The following LRCH1 variants were observed in gnomAD, a reference collection of about 807,000 sequenced individuals.
LRCH1 encodes the protein leucine-rich repeat and calponin homology domain-containing protein 1.
Under a neutral mutation model 94.9 loss-of-function variants are expected in LRCH1, and 23 were observed. That is an observed-to-expected ratio of 0.24 (90% CI 0.17 to 0.34). LRCH1 has a LOEUF of 0.34. Ranked by LOEUF, LRCH1 falls within the 10% of genes least tolerant of loss-of-function variation. The pLI is 1.00. For synonymous variants in LRCH1, 364 were observed against 354.9 expected (o/e 1.03, Z -0.29); for missense variants, 790 against 945.9 (o/e 0.84, Z 2.16).
Position 46,626,531 on chromosome 13 carries a change from G to A in LRCH1, c.308-23670G>A, listed in dbSNP as rs571702773. Among the ~76,000 whole-genome samples, 92 of 152,214 alleles carry A rather than the reference G, an allele frequency of 6.0e-4. 1 individual carries two copies. In the Middle Eastern group the frequency reaches 0.031, roughly 51 times the overall value. On this transcript the variant is annotated intron_variant, in intron 1 of 19. Coordinates refer to ENST00000389797, the MANE Select transcript of LRCH1 (RefSeq NM_001164211.2). ...TACTTTGTGAGATCCACTCCTGCCC[G>A]CAAAACATTGCTCTTAACTTCACCG...
rs146687949 is a variant in LRCH1, at chr13:46,723,548, C to T, written c.1869+218C>T. On this transcript the variant is annotated intron_variant, in intron 17 of 19. Coordinates refer to ENST00000389797, the MANE Select transcript of LRCH1 (RefSeq NM_001164211.2). ...AGGCATAGTTTCTCATGCCTGTAAT[C>T]GCAGAACTTTAGGAGGTAGAGGCAG... Among the ~76,000 whole-genome samples, 556 of 152,224 alleles carry T rather than the reference C, an allele frequency of 3.7e-3. 3 individuals are homozygous for T. Among genetic ancestry groups the T allele is most frequent in the African/African-American group, 0.012 (513 of 41,524 alleles).
chr13:46,598,947 A>G (rs2050597120), intron 1 of LRCH1, among the ~76,000 whole-genome samples: 2 of 152,174 alleles, frequency 1.3e-5, no homozygotes, highest in East Asian at 1.9e-4. Context: ...AGCTCTTTTC[A>G]TCTTGCAAAA....
At position 46,728,204 on chromosome 13, in the gene LRCH1, A is replaced by G. The variant is rs376564982; in HGVS notation, c.1870-643A>G. Among the ~76,000 whole-genome samples, 10 of 151,892 alleles carry G rather than the reference A, an allele frequency of 6.6e-5. No homozygotes were observed. In the East Asian group the frequency reaches 1.7e-3, roughly 26 times the overall value. ...AGTGTTGGGGTTACAGGTGTGAGCC[A>G]CCACTCCTGGCCTAAGAGGAAAGCA... On this transcript the variant is annotated intron_variant, in intron 17 of 19. Coordinates refer to ENST00000389797, the MANE Select transcript of LRCH1 (RefSeq NM_001164211.2).
chr13:46,665,393 G>A (rs2051501617), intron 2 of LRCH1, among the ~76,000 whole-genome samples: 1 of 152,210 alleles, frequency 6.6e-6, no homozygotes. Flanking sequence ...TAGGAGTTAA[G>A]TGAGGGATAG....
At chr13:46,728,056 G>A (rs540217130) in intron 17 of LRCH1, among the ~76,000 whole-genome samples, 3 of 151,362 alleles carry the variant, frequency 2.0e-5, no homozygotes, top group East Asian at 3.9e-4. Context: ...AGCTGGGACC[G>A]CAGGTACACA....
chr13:46,568,411 C>A (rs2050208006), intron 1 of LRCH1, among the ~76,000 whole-genome samples: 1 of 152,150 alleles, frequency 6.6e-6, no homozygotes, highest in African/African-American at 2.4e-5. Flanking sequence ...ACTTACCTAC[C>A]CATGTCTAGT....
chr13:46,709,286 C>T (rs983256084), intron 13 of LRCH1, among the ~76,000 whole-genome samples: 11 of 152,306 alleles, frequency 7.2e-5, no homozygotes, highest in Admixed American at 5.2e-4. Context: ...AGTCATATAT[C>T]AATCATTCAG....
rs73193031 is a variant in LRCH1 at position 46,686,158 on chromosome 13, G to A, written c.822+117G>A. 3.6e-3 allele frequency: 3,932 copies of A among 1,078,458 alleles called. 13 individuals are homozygous for A. Among genetic ancestry groups the A allele is most frequent in the Non-Finnish European group, 4.3e-3 (3,456 of 812,496 alleles). The allele number at this position is 1,078,458 out of a possible 1,614,324, so 66.8% of individuals were successfully genotyped here. ...TGAAAATCACTAATCACTGGCAAGC[G>A]GCAGATTAATTGGAGAAAAGGCATC... On this transcript the variant is annotated intron_variant, in intron 5 of 19. Transcript: ENST00000389797.
chr13:46,569,082 G>A (rs2050214874), intron 1 of LRCH1, among the ~76,000 whole-genome samples: 3 of 151,880 alleles, frequency 2.0e-5, no homozygotes, highest in South Asian at 2.1e-4. Context: ...TCCTTATTTC[G>A]AAACGTCTTG....
intron 1 of LRCH1, among the ~76,000 whole-genome samples, chr13:46,556,636 T>A (rs1594240837): frequency 6.6e-6 from 1 of 152,128 alleles, no homozygotes; most frequent in Non-Finnish European, 1.5e-5. Flanking sequence ...CATTTATACA[T>A]GGGAAGACTG....
At chr13:46,708,048 T>C (rs1871858347) in intron 13 of LRCH1, among the ~76,000 whole-genome samples, 1 of 152,194 alleles carries the variant, frequency 6.6e-6, no homozygotes, top group African/African-American at 2.4e-5. Context: ...TGTAGACTAG[T>C]GGCAGCACTA....
At chr13:46,708,421 G>A (rs865834753) in intron 13 of LRCH1, among the ~76,000 whole-genome samples, 5 of 151,834 alleles carry the variant, frequency 3.3e-5, no homozygotes, top group Admixed American at 2.6e-4. Context: ...ACAGGTGCCC[G>A]CTACCATGCC....
At position 46,742,501 on chromosome 13, in the gene LRCH1, C is replaced by G. The variant is rs1036532835; in HGVS notation, c.*653C>G. 59 of 985,340 alleles carry G rather than the reference C, an allele frequency of 6.0e-5. No individual in the cohort carries two copies. The highest frequency in any genetic ancestry group is 2.3e-4 in the South Asian group (5 of 21,296). The allele number at this position is 985,340 out of a possible 1,614,324, so 61.0% of individuals were successfully genotyped here. ...GTGTGGCCGCCAACTTCCACCCCGG[C>G]AAGCCCCTCTGTCCTATGCAGAAGG... On this transcript the variant is annotated 3_prime_UTR_variant, in exon 20 of 20. Coordinates refer to ENST00000389797, the MANE Select transcript of LRCH1 (RefSeq NM_001164211.2).
chr13:46,625,575 G>A (rs902678608), intron 1 of LRCH1, among the ~76,000 whole-genome samples: 5 of 151,434 alleles, frequency 3.3e-5, no homozygotes, highest in African/African-American at 1.2e-4. Flanking sequence ...CCTTGAGCCC[G>A]GACTCCTTGA....
At chr13:46,579,068 G>T (rs747428728) in intron 1 of LRCH1, among the ~76,000 whole-genome samples, 20 of 152,162 alleles carry the variant, frequency 1.3e-4, no homozygotes, top group Admixed American at 2.0e-4. Flanking sequence ...CTCGCTGTGT[G>T]CAGGGAAAGG....
chr13:46,641,961 C>T (rs1566194667), intron 1 of LRCH1, among the ~76,000 whole-genome samples: 1 of 152,096 alleles, frequency 6.6e-6, no homozygotes, highest in Non-Finnish European at 1.5e-5. Flanking sequence ...AAGAGGCGGA[C>T]GTGGGGAGGA....
chr13:46,734,886 T>C (rs1449832757), intron 19 of LRCH1, among the ~76,000 whole-genome samples: 1 of 152,264 alleles, frequency 6.6e-6, no homozygotes, highest in East Asian at 1.9e-4. Flanking sequence ...TGAAGAGTTA[T>C]ATTTCAGTAT....
At chr13:46,681,903 T>TG (rs1416829962) in intron 4 of LRCH1, 57 bp downstream of exon 4, 8 of 1,142,298 alleles carry the variant, frequency 7.0e-6, no homozygotes, top group African/African-American at 1.6e-5. Flanking sequence ...TTTTATGTTT[T>TG]GGGGGGTTTA....
chr13:46,737,086 C>T lies in LRCH1; in HGVS notation c.2085+3088C>T, dbSNP rs539758049. On this transcript the variant is annotated intron_variant, in intron 19 of 19. Transcript: ENST00000389797. ...CCATAAACGCAGTCCCAGGCATTTG[C>T]TCCAGGGTGGGTCATGGTTCATGAC... 2.6e-5 allele frequency among the ~76,000 whole-genome samples: 4 copies of T among 152,304 alleles called. No homozygotes were observed. The South Asian group carries it at 8.3e-4, about 32-fold the overall frequency.
Sources: gnomAD v4.1 joint callset for allele counts (sites outside exome capture counted in the v4.1 genomes callset) on GRCh38, gnomAD v4.1.1 for gene constraint, MANE v1.5 for transcripts, NCBI Gene and HGNC (gene_info 2026-07-23, HGNC 2026-07-21) for gene names.